Variants in WDR1 observed in about 807,000 individuals in gnomAD.
WDR1 encodes the protein WD repeat-containing protein 1.
Under a neutral mutation model 71.9 loss-of-function variants are expected in WDR1, and 21 were observed. That is an observed-to-expected ratio of 0.29 (90% confidence interval 0.21 to 0.42). WDR1 has a LOEUF of 0.42. Ranked by LOEUF, WDR1 falls within the 10% of genes least tolerant of loss-of-function variation. The pLI is 1.00. For missense variants in WDR1, 696 were observed against 824.5 expected (o/e 0.84, Z 1.91); for synonymous variants, 424 against 347.4 (o/e 1.22, Z -2.45).
At chr4:10,094,960 C>G (rs997991665) in intron 5 of WDR1, 1 of 152,346 alleles carries the variant, frequency 6.6e-6, no homozygotes, top group Non-Finnish European at 1.5e-5. Flanking sequence ...GCTGGTCCCT[C>G]CGCAGTCATA....
intron 12 of WDR1, 21 bp from the exon 13 acceptor site, chr4:10,077,947 A>G (rs1560526696): frequency 6.3e-7 from 1 of 1,587,374 alleles, no homozygotes; most frequent in African/African-American, 1.3e-5. Context: ...GACAGAGAGG[A>G]AGTGAGCCAC....
chr4:10,116,574 G>C (rs1713752004), intron 1 of WDR1, 77 bp downstream of exon 1: 1 of 1,080,068 alleles, frequency 9.3e-7, no homozygotes, highest in Non-Finnish European at 1.1e-6. Flanking sequence ...CCCGCCACCC[G>C]CACGGCGCCT....
intron 3 of WDR1, among the ~76,000 whole-genome samples, chr4:10,101,917 G>C (rs951873294): frequency 6.6e-6 from 1 of 152,204 alleles, no homozygotes; most frequent in Non-Finnish European, 1.5e-5. Context: ...GCAGGGCTTG[G>C]GGAAAAAATA....
intron 5 of WDR1, among the ~76,000 whole-genome samples, chr4:10,094,233 C>G (rs535364088): frequency 6.6e-6 from 1 of 152,202 alleles, no homozygotes; most frequent in Non-Finnish European, 1.5e-5. Flanking sequence ...CACAAACTAT[C>G]CAGTGCACCA....
chr4:10,101,591 AG>A (rs1173665672), intron 3 of WDR1, among the ~76,000 whole-genome samples: 1 of 152,248 alleles, frequency 6.6e-6, no homozygotes, highest in Admixed American at 6.5e-5. Context: ...GGCACTTTTC[AG>A]GGAGGACAGC....
intron 11 of WDR1, among the ~76,000 whole-genome samples, chr4:10,079,674 T>C (rs895940255): frequency 6.6e-6 from 1 of 152,208 alleles, no homozygotes; most frequent in African/African-American, 2.4e-5. Context: ...GTTTTGCCTT[T>C]ATCCCAGTGT....
At chr4:10,082,289 C>A (rs1334481115) in intron 10 of WDR1, among the ~76,000 whole-genome samples, 1 of 152,202 alleles carries the variant, frequency 6.6e-6, no homozygotes, top group African/African-American at 2.4e-5. Context: ...CTGTGCCAGG[C>A]TCCCATCAAC....
At chr4:10,090,484 C>T (rs1260885924) in intron 5 of WDR1, among the ~76,000 whole-genome samples, 3 of 152,236 alleles carry the variant, frequency 2.0e-5, no homozygotes, top group Non-Finnish European at 2.9e-5. Context: ...GGCCACTCCC[C>T]GCCCCAGAAA....
chr4:10,077,730 A>T (rs1029146252), intron 13 of WDR1, 23 bp downstream of exon 13: 2 of 1,549,930 alleles, frequency 1.3e-6, no homozygotes, highest in Non-Finnish European at 1.7e-6. Flanking sequence ...ACGGGGACAG[A>T]GGAGGAGCCC....
chr4:10,099,734 A>G (rs989083947), intron 3 of WDR1, among the ~76,000 whole-genome samples: 11 of 152,254 alleles, frequency 7.2e-5, no homozygotes, highest in Admixed American at 2.0e-4. Flanking sequence ...GCTTCCCAAC[A>G]GCGTGCTGCT....
At chr4:10,092,531 C>G (rs527652499) in intron 5 of WDR1, 1 of 160,214 alleles carries the variant, frequency 6.2e-6, no homozygotes, top group South Asian at 1.8e-4. Context: ...CCTCCCTGGC[C>G]CCAGAACCCA....
intron 10 of WDR1, among the ~76,000 whole-genome samples, chr4:10,081,675 A>C (rs1222248746): frequency 8.3e-5 from 3 of 36,102 alleles, no homozygotes; most frequent in Admixed American, 3.5e-4. Flanking sequence ...GGGGGGGGGG[A>C]AGGAGGGGCG....
intron 2 of WDR1, among the ~76,000 whole-genome samples, chr4:10,108,802 C>T (rs1284511942): frequency 6.6e-6 from 1 of 152,246 alleles, no homozygotes; most frequent in African/African-American, 2.4e-5. Context: ...CTCCTCCAAG[C>T]AGCCTTCCCT....
intron 2 of WDR1, among the ~76,000 whole-genome samples, chr4:10,114,687 C>T (rs1189507390): frequency 1.3e-5 from 2 of 152,248 alleles, no homozygotes; most frequent in Admixed American, 6.5e-5. Flanking sequence ...TCAGGACCTG[C>T]CTTCGGAGAC....
chr4:10,087,650 C>T, intron 8 of WDR1, 57 bp downstream of exon 8: 9 of 1,489,474 alleles, frequency 6.0e-6, no homozygotes, highest in Non-Finnish European at 9.0e-7. Context: ...TTGCTGGCCA[C>T]TCTGGTCTCT....
chr4:10,098,733 G>A (rs1712509992), intron 4 of WDR1, among the ~76,000 whole-genome samples: 1 of 152,204 alleles, frequency 6.6e-6, no homozygotes, highest in Non-Finnish European at 1.5e-5. Context: ...ATGAGAGCTG[G>A]GGTTCTAGCA....
chr4:10,089,781 C>T (rs954028000), intron 5 of WDR1, among the ~76,000 whole-genome samples: 2 of 152,230 alleles, frequency 1.3e-5, no homozygotes, highest in Admixed American at 6.5e-5. Flanking sequence ...AAGTAAATCA[C>T]GGACTTAATT....
At chr4:10,082,841 T>G (rs146274478) in intron 10 of WDR1, among the ~76,000 whole-genome samples, 181 bp downstream of exon 10, 291 of 152,264 alleles carry the variant, frequency 1.9e-3, no homozygotes, top group Middle Eastern at 6.8e-3. Context: ...CCAGACCACC[T>G]GGATCTGTAA....
intron 14 of WDR1, chr4:10,075,858 G>A: frequency 3.5e-6 from 1 of 288,494 alleles, no homozygotes. Context: ...CAGCTACACT[G>A]TATCCATGCC....
Sources: allele counts gnomAD v4.1 joint callset (sites outside exome capture counted in the v4.1 genomes callset), GRCh38; gene constraint gnomAD v4.1.1; transcripts MANE v1.5; gene names NCBI Gene and HGNC (gene_info 2026-07-23, HGNC 2026-07-21).